The following RBM25 variants were observed in gnomAD, a reference collection of about 807,000 sequenced individuals.
RBM25 encodes RNA binding motif protein 25.
A neutral mutation model predicts 120.7 loss-of-function variants in RBM25; 19 were observed. The ratio of observed to expected loss-of-function variants is 0.16; its 90% CI spans 0.11 to 0.23. The LOEUF is 0.23. Among genes scored for constraint, RBM25 ranks in the 10% least tolerant of loss-of-function variants. RBM25 has a pLI of 1.00. For missense variants in RBM25, 605 were observed against 1,041.5 expected (o/e 0.58, Z 5.77); for synonymous variants, 390 against 326.7 (o/e 1.19, Z -2.09).
chr14:73,099,894 A>T, intron 9 of RBM25, 144 bp downstream of exon 9: 1 of 1,255,934 alleles, frequency 8.0e-7, no homozygotes, highest in Non-Finnish European at 1.0e-6. Flanking sequence ...AGAAAAAAGA[A>T]ACAGAAGACC....
intron 12 of RBM25, among the ~76,000 whole-genome samples, chr14:73,106,901 C>T (rs957528543): frequency 3.4e-5 from 5 of 148,348 alleles, no homozygotes; most frequent in African/African-American, 5.0e-5. Context: ...GGTGTGATCT[C>T]GGCTCACTGC....
chr14:73,068,387 ATTT>A (rs34314453), intron 1 of RBM25: 1,075 of 473,576 alleles, frequency 2.3e-3, no homozygotes, highest in Middle Eastern at 4.1e-3. Context: ...CTTGTATTTG[ATTT>A]TTTTTTTTTT....
chr14:73,085,201 T>C (rs1475821962), intron 5 of RBM25, among the ~76,000 whole-genome samples: 2 of 151,712 alleles, frequency 1.3e-5, no homozygotes, highest in Non-Finnish European at 2.9e-5. Context: ...GTACTTTTAG[T>C]AGAGACAGGG....
At chr14:73,100,711 C>A in intron 9 of RBM25, 1 of 161,330 alleles carries the variant, frequency 6.2e-6, no homozygotes. Context: ...TCAAAATCTG[C>A]AGTTCACAAA....
rs892840986 is a variant in RBM25 at position 73,120,061 on chromosome 14, A to G, written c.*256A>G. The G allele has an allele frequency of 1.8e-4, 62 of 346,786 alleles. No homozygotes were observed. In the South Asian group the frequency reaches 2.3e-3, roughly 13 times the overall value. 21.5% of individuals were successfully genotyped at this position (346,786 alleles called of 1,614,324 possible). On this transcript the variant is annotated 3_prime_UTR_variant, in exon 19 of 19. Transcript: ENST00000261973. ...GTTTTATAAGCCGCAGCTACTGTAC[A>G]CAGCCTATCTGATATAATCTTGTTC...
chr14:73,097,135 GTTTGTTTTT>G, intron 7 of RBM25, 35 bp downstream of exon 7: 1 of 1,424,122 alleles, frequency 7.0e-7, no homozygotes, highest in East Asian at 2.9e-5. Flanking sequence ...CATTTCTACC[GTTTGTTTTT>G]TATGATATCA....
At chr14:73,101,236 G>A (rs1029141493) in intron 9 of RBM25, 36 of 152,140 alleles carry the variant, frequency 2.4e-4, no homozygotes, top group African/African-American at 8.2e-4. Flanking sequence ...TGAAACTCCA[G>A]TAACAAAAAA....
intron 6 of RBM25, among the ~76,000 whole-genome samples, chr14:73,094,499 G>A (rs1895890894): frequency 6.6e-6 from 1 of 151,190 alleles, no homozygotes; most frequent in Non-Finnish European, 1.5e-5. Flanking sequence ...CCAGGCTGGA[G>A]TGCAGTGGCG....
intron 1 of RBM25, among the ~76,000 whole-genome samples, chr14:73,061,831 G>T (rs1040547515): frequency 6.6e-6 from 1 of 151,542 alleles, no homozygotes; most frequent in East Asian, 1.9e-4. Flanking sequence ...CTCCCAAAGT[G>T]CTGGGATTAC....
At chr14:73,084,005 C>G (rs1173913756) in intron 5 of RBM25, among the ~76,000 whole-genome samples, 1 of 151,102 alleles carries the variant, frequency 6.6e-6, no homozygotes. Context: ...TGGAGCAGTT[C>G]TCCTGCTTCA....
intron 4 of RBM25, among the ~76,000 whole-genome samples, chr14:73,080,704 C>G (rs898590103): frequency 2.0e-5 from 3 of 152,122 alleles, no homozygotes; most frequent in Non-Finnish European, 4.4e-5. Flanking sequence ...TTCCCTACTT[C>G]CTTACAGGTG....
intron 1 of RBM25, chr14:73,068,732 C>T (rs1189488214): frequency 3.5e-6 from 1 of 283,204 alleles, no homozygotes; most frequent in Non-Finnish European, 7.0e-6. Flanking sequence ...TGCAGCCACC[C>T]CCTCTCCTAA....
intron 1 of RBM25, among the ~76,000 whole-genome samples, chr14:73,062,483 G>A (rs1249761406): frequency 6.6e-6 from 1 of 151,414 alleles, no homozygotes; most frequent in Non-Finnish European, 1.5e-5. Context: ...TCTATCCTGG[G>A]AGAAATAATT....
intron 10 of RBM25, among the ~76,000 whole-genome samples, chr14:73,103,785 C>T (rs1038177254): frequency 2.0e-5 from 3 of 151,962 alleles, no homozygotes; most frequent in Admixed American, 6.5e-5. Flanking sequence ...AACTCCTGGC[C>T]TCAAGTGATC....
At position 73,099,289 on chromosome 14, in the gene RBM25, C is replaced by G. The variant is rs567248636; in HGVS notation, c.730-91C>G. 8.8e-6 allele frequency: 10 copies of G among 1,137,206 alleles called. No individual in the cohort carries two copies. In the African/African-American group the frequency reaches 1.3e-4, roughly 14 times the overall value. The allele number at this position is 1,137,206 out of a possible 1,614,324, so 70.4% of individuals were successfully genotyped here. Reference sequence around the variant, plus strand: ...CATCACAGAAGTGTACTGTATTGTTCACGTCATAAATGTATAGGGCATTGC... The same window carrying G: ...CATCACAGAAGTGTACTGTATTGTTGACGTCATAAATGTATAGGGCATTGC... On this transcript the variant is annotated intron_variant, in intron 7 of 18. Transcript: ENST00000261973.
At chr14:73,115,580 G>A (rs530672328) in intron 18 of RBM25, among the ~76,000 whole-genome samples, 1 of 152,314 alleles carries the variant, frequency 6.6e-6, no homozygotes, top group South Asian at 2.1e-4. Flanking sequence ...TGTATTGACA[G>A]TAAACATCAA....
At position 73,110,995 on chromosome 14, in the gene RBM25, C is replaced by T. The variant is rs1206498383; in HGVS notation, c.1857C>T (p.Pro619=). The T allele has an allele frequency of 1.2e-6, 2 of 1,614,024 alleles. No homozygotes were observed. The highest frequency in any genetic ancestry group is 2.2e-5 in the East Asian group (1 of 44,886). ...QKPCLKPTLR[P]ISSAPSVSSA... is the part of the protein sequence containing the mutation. ...CTTGTCTGAAACCTACTCTGAGGCC[C>T]ATCAGCTCTGCTCCATCTGTTTCCT... Residue 619 remains proline (P), a synonymous_variant, in exon 15 of 19, where the codon CCC becomes CCT. Coordinates refer to ENST00000261973, the MANE Select transcript of RBM25 (RefSeq NM_021239.3).
chr14:73,088,153 T>G lies in RBM25; in HGVS notation c.535T>G (p.Ser179Ala), dbSNP rs769677389. 8 of 1,614,054 alleles carry G rather than the reference T, an allele frequency of 5.0e-6. No individual in the cohort carries two copies. Among genetic ancestry groups the G allele is most frequent in the Non-Finnish European group, 5.9e-6 (7 of 1,180,000 alleles). The stretch of plus-strand genomic sequence containing the variant: ...TGAATGGAAAGCAAAGAAGAAAGCT[T>G]CTAATGGGGTATGTTTTCTGTCGTG... ...LDEWKAKKKASNGNARPETVT... is the reference protein window; with the variant it reads ...LDEWKAKKKAANGNARPETVT... The change falls in exon 6 of 19, where the codon TCT becomes GCT. Residue 179 changes from serine to alanine, a missense_variant. Around this residue, in one of 4 missense-constraint regions of RBM25, gnomAD observed 465 missense variants for 741.6 expected, o/e 0.63. Transcript: ENST00000261973.
At position 73,106,027 on chromosome 14, in the gene RBM25, C is replaced by T. The variant is rs538459054; in HGVS notation, c.1323C>T (p.Tyr441=). 1.3e-5 allele frequency: 21 copies of T among 1,610,910 alleles called. 1 individual carries two copies. Among genetic ancestry groups the T allele is most frequent in the Middle Eastern group, 1.7e-4 (1 of 6,050 alleles). The part of the protein sequence containing the change: ...RDREEDEEDA[Y]ERRKLERKLR... ...GAGAAGAAGATGAAGAAGATGCATA[C>T]GAACGAAGAAAACTTGAAAGAAAAC... The change falls in exon 11 of 19, where the codon TAC becomes TAT. Residue 441 remains tyrosine, a synonymous_variant. Coordinates refer to ENST00000261973, the MANE Select transcript of RBM25 (RefSeq NM_021239.3).
Sources: gnomAD v4.1 joint callset for allele counts (sites outside exome capture counted in the v4.1 genomes callset) on GRCh38, gnomAD v4.1.1 for gene constraint, gnomAD v4.1.1 regional missense constraint, MANE v1.5 for transcripts, NCBI Gene and HGNC (gene_info 2026-07-23, HGNC 2026-07-21) for gene names.